USP24: variants seen among roughly 807,000 people sequenced by gnomAD.
USP24 encodes ubiquitin carboxyl-terminal hydrolase 24.
USP24 carries 97 observed loss-of-function variants against 361.6 expected under a neutral mutation model. The ratio of observed to expected loss-of-function variants is 0.27; its 90% CI spans 0.23 to 0.32. The LOEUF is 0.32. Among genes scored for constraint, USP24 ranks in the 10% least tolerant of loss-of-function variants. The probability of loss-of-function intolerance (pLI) is 1.00; values close to 1 mark genes in which losing one functional copy is unlikely to be tolerated. For synonymous variants in USP24, 1,098 were observed against 1,124.6 expected, an observed-to-expected ratio of 0.98 and a Z score of 0.47; for missense variants, 2,353 against 3,165.6, an observed-to-expected ratio of 0.74 and a Z score of 6.16.
chr1:55,097,100 C>A lies in USP24; in HGVS notation c.5788G>T (p.Gly1930Trp). 1 of 1,613,912 alleles carries A rather than the reference C, an allele frequency of 6.2e-7. No individual in the cohort carries two copies. Among genetic ancestry groups the A allele is most frequent in the Non-Finnish European group, 8.5e-7 (1 of 1,179,884 alleles). Residue 1930 changes from glycine to tryptophan, a missense_variant, in exon 49 of 68, where the codon GGG (glycine) becomes TGG (tryptophan). This residue lies in a region of USP24 where 598 missense variants were observed against 761.9 expected (regional missense o/e 0.78). Coordinates refer to ENST00000294383, the MANE Select transcript of USP24 (RefSeq NM_015306.3). ...TGATCCACACTTCGCCCATTTTCCCCAACTTCAGAAGAAGAATCTTGGCGA... is the reference window on the plus strand; with the variant it reads ...TGATCCACACTTCGCCCATTTTCCCAAACTTCAGAAGAAGAATCTTGGCGA... ...MARQDSSSEVGENGRSVDQGG... is the reference protein window; with the variant it reads ...MARQDSSSEVWENGRSVDQGG...
chr1:55,144,628 A>T lies in USP24; in HGVS notation c.2363-425T>A, dbSNP rs773040414. On this transcript the variant is annotated intron_variant, in intron 20 of 67. Transcript: ENST00000294383. ...GCTTAATATAATTAGTCACCAGAGA[A>T]GTGCACATTAAAACCATTAGATTTG... Among the ~76,000 whole-genome samples, 53 of 152,058 alleles carry T rather than the reference A, an allele frequency of 3.5e-4. 1 individual carries two copies. The highest frequency in any genetic ancestry group is 7.1e-4 in the Non-Finnish European group (48 of 68,008).
intron 67 of USP24, chr1:55,071,195 G>C (rs1156854753): frequency 2.0e-6 from 2 of 986,272 alleles, no homozygotes; most frequent in Non-Finnish European, 2.4e-6. Flanking sequence ...TACTGTGAAG[G>C]GACCACAGAG....
At chr1:55,124,678 C>T in intron 34 of USP24, 50 bp from the exon 35 acceptor site, 1 of 1,588,454 alleles carries the variant, frequency 6.3e-7, no homozygotes, top group Non-Finnish European at 8.6e-7. Context: ...TGAACACATG[C>T]CCTGACATGT....
intron 1 of USP24, among the ~76,000 whole-genome samples, chr1:55,186,767 G>A (rs1457432676): frequency 4.6e-5 from 7 of 152,122 alleles, no homozygotes; most frequent in Non-Finnish European, 7.4e-5. Context: ...CTGGGTGCAG[G>A]GGGGAATAGG....
At chr1:55,103,236 C>T (rs1489328415) in intron 42 of USP24, among the ~76,000 whole-genome samples, 1 of 152,178 alleles carries the variant, frequency 6.6e-6, no homozygotes, top group East Asian at 1.9e-4. Flanking sequence ...ACCTGGTTCA[C>T]TAGTTTTTAT....
intron 58 of USP24, 21 bp from the exon 59 acceptor site, chr1:55,081,445 G>A: frequency 1.2e-6 from 2 of 1,606,622 alleles, no homozygotes; most frequent in Non-Finnish European, 1.7e-6. Flanking sequence ...GGAAGATAAA[G>A]TGGCTGTTAG....
At chr1:55,214,124 C>T (rs781269310) in intron 1 of USP24, among the ~76,000 whole-genome samples, 3 of 152,026 alleles carry the variant, frequency 2.0e-5, no homozygotes, top group Admixed American at 1.3e-4. Flanking sequence ...ATCCCCACTG[C>T]TCTCATACCT....
In USP24 at chr1:55,186,872, C is replaced by A. The variant is rs1055828787; in HGVS notation, c.325-8740G>T. On this transcript the variant is annotated intron_variant, in intron 1 of 67. Transcript: ENST00000294383. ...GATGGATGCAGAACAATTAAATGTACTTAATGCCACAGAACTGTACACTTA... is the reference window on the plus strand; with the variant it reads ...GATGGATGCAGAACAATTAAATGTAATTAATGCCACAGAACTGTACACTTA... Among the ~76,000 whole-genome samples the A allele has an allele frequency of 3.3e-5, 5 of 152,190 alleles. No homozygotes were observed. In the South Asian group the frequency reaches 1.0e-3, roughly 32 times the overall value.
chr1:55,176,733 G>A (rs1006261868), intron 2 of USP24, among the ~76,000 whole-genome samples: 7 of 152,284 alleles, frequency 4.6e-5, no homozygotes, highest in Admixed American at 6.5e-5. Flanking sequence ...TTCCATGTCA[G>A]AGTAACTTCA....
At chr1:55,159,144 C>G in intron 9 of USP24, 108 bp from the exon 10 acceptor site, 4 of 1,036,632 alleles carry the variant, frequency 3.9e-6, no homozygotes, top group Non-Finnish European at 3.8e-6. Flanking sequence ...CTGGCAGTAT[C>G]TGATATTTTA....
chr1:55,182,682 G>GA (rs1390215945), intron 1 of USP24, among the ~76,000 whole-genome samples: 1 of 151,984 alleles, frequency 6.6e-6, no homozygotes, highest in African/African-American at 2.4e-5. Context: ...TGTATAACCT[G>GA]AATCTAATAA....
Position 55,121,493 on chromosome 1 carries a change from G to A in USP24, c.4290C>T (p.Asn1430=), listed in dbSNP as rs1646279478. 6 of 1,613,454 alleles carry A rather than the reference G, an allele frequency of 3.7e-6. No individual in the cohort carries two copies. The highest frequency in any genetic ancestry group is 5.1e-6 in the Non-Finnish European group (6 of 1,179,722). ...LRSQQLASFY[N]LPCVADFIID... ...TGATGAAATCAGCAACACAGGGCAA[G>A]TTATAGAAAGATGCTAATAAGAAGA... is the stretch of plus-strand genomic sequence containing the variant. The change falls in exon 37 of 68, where the codon AAC becomes AAT. Residue 1430 remains asparagine (N), a synonymous_variant. Transcript: ENST00000294383.
chr1:55,095,528 T>C (rs1004789656), intron 50 of USP24, 132 bp from the exon 51 acceptor site: 34 of 994,014 alleles, frequency 3.4e-5, no homozygotes, highest in African/African-American at 3.3e-4. Flanking sequence ...AAAGTATAAG[T>C]AAAATGTGAG....
intron 64 of USP24, 117 bp from the exon 65 acceptor site, chr1:55,072,978 C>T (rs955191303): frequency 9.8e-7 from 1 of 1,017,892 alleles, no homozygotes; most frequent in South Asian, 1.7e-5. Flanking sequence ...ATTTGTGATT[C>T]TACTTAAATG....
chr1:55,156,131 G>A (rs148956698), intron 12 of USP24, among the ~76,000 whole-genome samples: 1 of 152,106 alleles, frequency 6.6e-6, no homozygotes, highest in Non-Finnish European at 1.5e-5. Context: ...ACTAGATGAA[G>A]AATAATACCA....
Position 55,134,420 on chromosome 1 carries a change from G to GA in USP24, c.3202-8dup. The GA allele has an allele frequency of 6.2e-7, 1 of 1,603,306 alleles. No homozygotes were observed. The highest frequency in any genetic ancestry group is 8.5e-7 in the Non-Finnish European group (1 of 1,172,134). On this transcript the variant is annotated splice_region_variant and splice_polypyrimidine_tract_variant and intron_variant, in intron 28 of 67. Transcript: ENST00000294383. ...CACCAGGGAGGGATTTCTCCTGATG[G>GA]AAAAAAGCAAAATAGAAATTCAAAT...
At chr1:55,079,811 G>GTACTCTCACACTGAA (rs1557531541) in intron 59 of USP24, among the ~76,000 whole-genome samples, 152 bp from the exon 60 acceptor site, 1 of 149,196 alleles carries the variant, frequency 6.7e-6, no homozygotes, top group Non-Finnish European at 1.5e-5. Context: ...CACACACTGA[G>GTACTCTCACACTGAA]TACTCGCAGA....
intron 41 of USP24, among the ~76,000 whole-genome samples, chr1:55,105,126 T>C (rs1208379417): frequency 6.6e-6 from 1 of 152,242 alleles, no homozygotes; most frequent in South Asian, 2.1e-4. Context: ...ATGGAGGAAC[T>C]ACTTTTATTA....
At chr1:55,074,136 A>C (rs1357363861) in intron 63 of USP24, among the ~76,000 whole-genome samples, 1 of 151,428 alleles carries the variant, frequency 6.6e-6, no homozygotes, top group East Asian at 1.9e-4. Context: ...AAACCACAAC[A>C]AAAAAAACAT....
Sources: gnomAD v4.1 joint callset for allele counts (sites outside exome capture counted in the v4.1 genomes callset) on GRCh38, gnomAD v4.1.1 for gene constraint, gnomAD v4.1.1 regional missense constraint, MANE v1.5 for transcripts, NCBI Gene and HGNC (gene_info 2026-07-23, HGNC 2026-07-21) for gene names.